KDM6A: variants seen among roughly 807,000 people sequenced by gnomAD.
KDM6A encodes the protein lysine demethylase 6A.
KDM6A carries 11 observed loss-of-function variants against 117.6 expected under a neutral mutation model. The ratio of observed to expected loss-of-function variants is 0.09; its 90% CI spans 0.06 to 0.15. KDM6A has a LOEUF of 0.15. Ranked by LOEUF, KDM6A falls within the 10% of genes least tolerant of loss-of-function variation. The pLI, the probability that KDM6A is intolerant of heterozygous loss-of-function variation, is 1.00. For synonymous variants in KDM6A, 384 were observed against 396.1 expected (o/e 0.97, Z 0.36); for missense variants, 799 against 1,077.3 (o/e 0.74, Z 3.62).
chrX:45,044,305 G>T (rs1255303898), intron 8 of KDM6A, among the ~76,000 whole-genome samples: 2 of 111,412 alleles, frequency 1.8e-5, no homozygotes, highest in Non-Finnish European at 3.8e-5. Flanking sequence ...GTATTAACGG[G>T]GCTTCTTTTC....
chrX:44,924,901 C>T (rs964943294), intron 2 of KDM6A, among the ~76,000 whole-genome samples: 2 of 111,088 alleles, frequency 1.8e-5, no homozygotes, highest in Admixed American at 1.9e-4. Flanking sequence ...GTTGTCCAGG[C>T]TGATCTTGAA....
chrX:44,904,745 G>T (rs958835025), intron 2 of KDM6A, among the ~76,000 whole-genome samples: 5 of 111,664 alleles, frequency 4.5e-5, no homozygotes, highest in Admixed American at 2.9e-4. Context: ...TCAGGCTGCT[G>T]GATTTTACCA....
At position 45,062,883 on chromosome X, in the gene KDM6A, T is replaced by C. The variant is rs1029053484; in HGVS notation, c.1683+135T>C. The stretch of plus-strand genomic sequence containing the variant: ...TTGACAGAATTTAGTAATCTCTGTA[T>C]TTTAAAATACTGGTAATTGACGGAG... On this transcript the variant is annotated intron_variant, in intron 16 of 29. Transcript: ENST00000611820. The C allele has an allele frequency of 1.3e-5, 6 of 469,410 alleles. No individual in the cohort carries two copies. In the African/African-American group the frequency reaches 1.5e-4, roughly 11 times the overall value. 38.7% of individuals were successfully genotyped at this position (469,410 alleles called of 1,213,427 possible).
At chrX:45,042,437 G>A (rs2043311568) in intron 8 of KDM6A, among the ~76,000 whole-genome samples, 1 of 110,849 alleles carries the variant, frequency 9.0e-6, no homozygotes, top group Non-Finnish European at 1.9e-5. Context: ...CTACACCAGT[G>A]ATTATAATAT....
intron 21 of KDM6A, among the ~76,000 whole-genome samples, chrX:45,079,948 G>A (rs967138922): frequency 3.6e-5 from 4 of 112,101 alleles, no homozygotes; most frequent in Non-Finnish European, 5.6e-5. Context: ...TCATTTCTGG[G>A]ATACTTTTTT....
intron 2 of KDM6A, among the ~76,000 whole-genome samples, chrX:44,938,537 TAACATAAA>T: frequency 8.9e-6 from 1 of 112,283 alleles, no homozygotes; most frequent in East Asian, 2.8e-4. Flanking sequence ...TCTATCTCCA[TAACATAAA>T]AGTGCAAGGT....
intron 2 of KDM6A, among the ~76,000 whole-genome samples, chrX:44,923,776 G>T (rs1293848873): frequency 1.8e-5 from 2 of 110,799 alleles, no homozygotes. Context: ...ATGCTGGAGT[G>T]CAGTGATGCA....
chrX:45,040,393 G>A (rs2043040521), intron 8 of KDM6A, among the ~76,000 whole-genome samples: 1 of 92,653 alleles, frequency 1.1e-5, no homozygotes, highest in South Asian at 5.8e-4. Context: ...TGGCCAGGCG[G>A]GGGGCTGATC....
chrX:44,929,243 C>CT (rs72030337), intron 2 of KDM6A, among the ~76,000 whole-genome samples: 13,508 of 82,771 alleles, frequency 0.16, 1,812 homozygotes, highest in African/African-American at 0.4. Context: ...GTCTAAGGGA[C>CT]TTTTTTTTTT....
intron 3 of KDM6A, among the ~76,000 whole-genome samples, chrX:44,972,735 T>A (rs1228391994): frequency 1.8e-5 from 2 of 111,071 alleles, no homozygotes; most frequent in African/African-American, 3.3e-5. Flanking sequence ...AGTGGGTTAT[T>A]CAGAAGTAAA....
chrX:44,948,508 A>G (rs2037798000), intron 2 of KDM6A, among the ~76,000 whole-genome samples: 1 of 111,964 alleles, frequency 8.9e-6, no homozygotes, highest in Admixed American at 9.5e-5. Context: ...CTTGCTTTAC[A>G]GTAGAAGAAA....
intron 5 of KDM6A, among the ~76,000 whole-genome samples, chrX:45,011,797 A>T (rs996469908): frequency 7.3e-5 from 8 of 110,091 alleles, no homozygotes; most frequent in Non-Finnish European, 1.1e-4. Flanking sequence ...TTATTTATTT[A>T]TTTTTTGAGA....
At position 45,112,096 on chromosome X, in the gene KDM6A, T is replaced by G. The variant is rs2046783910; in HGVS notation, c.*685T>G. 2 of 164,690 alleles carry G rather than the reference T, an allele frequency of 1.2e-5. No individual in the cohort carries two copies. Among genetic ancestry groups the G allele is most frequent in the Admixed American group, 1.6e-4 (2 of 12,137 alleles). 13.6% of individuals were successfully genotyped at this position (164,690 alleles called of 1,213,427 possible). The stretch of plus-strand genomic sequence containing the variant: ...CATATTTATTGCTTGAAAATATTTG[T>G]GAATGGAATGCTGTTATTTTTTCCA... On this transcript the variant is annotated 3_prime_UTR_variant, in exon 30 of 30. Transcript: ENST00000611820.
chrX:45,060,589 C>G lies in KDM6A; in HGVS notation c.1330-20C>G, dbSNP rs997617686. On this transcript the variant is annotated intron_variant, in intron 13 of 29. Coordinates refer to ENST00000611820, the MANE Select transcript of KDM6A (RefSeq NM_001291415.2). ...AGAATATATAGAACCCTATTTTTGTCTTCCTTCTGTGATTCTTAGGCATGT... is the reference window on the plus strand; with the variant it reads ...AGAATATATAGAACCCTATTTTTGTGTTCCTTCTGTGATTCTTAGGCATGT... 1.9e-6 allele frequency: 2 copies of G among 1,032,980 alleles called. No homozygotes were observed. Among genetic ancestry groups the G allele is most frequent in the Non-Finnish European group, 1.3e-6 (1 of 791,282 alleles). The allele number at this position is 1,032,980 out of a possible 1,213,427, so 85.1% of individuals were successfully genotyped here. A position where few individuals can be genotyped will look rare whatever the true frequency, so the allele number is the denominator to read the frequency against.
At chrX:44,989,058 G>A (rs12852058) in intron 4 of KDM6A, among the ~76,000 whole-genome samples, 1 of 107,796 alleles carries the variant, frequency 9.3e-6, no homozygotes, top group African/African-American at 3.4e-5. Context: ...GTTCCACTCA[G>A]TTTGAGCTTC....
At chrX:45,041,414 T>A (rs1192821949) in intron 8 of KDM6A, among the ~76,000 whole-genome samples, 1 of 96,737 alleles carries the variant, frequency 1.0e-5, no homozygotes, top group Non-Finnish European at 2.1e-5. Context: ...ACGGGGCAGC[T>A]GGCCGGGCGG....
chrX:44,874,370 T>G (rs1481277702), intron 2 of KDM6A, among the ~76,000 whole-genome samples: 4 of 111,464 alleles, frequency 3.6e-5, no homozygotes, highest in Non-Finnish European at 7.5e-5. Flanking sequence ...CTCTACGGGT[T>G]TAAAAAAATT....
rs752497500 is a variant in KDM6A at position 44,989,211 on chromosome X, G to A, written c.384+14496G>A. Among the ~76,000 whole-genome samples, 6 of 100,571 alleles carry A rather than the reference G, an allele frequency of 6.0e-5. No individual in the cohort carries two copies. The South Asian group carries it at 2.1e-3, about 34-fold the overall frequency. 87.3% of individuals were successfully genotyped at this position (100,571 alleles called of 115,157 possible). On this transcript the variant is annotated intron_variant, in intron 4 of 29. Coordinates refer to ENST00000611820, the MANE Select transcript of KDM6A (RefSeq NM_001291415.2). The stretch of plus-strand genomic sequence containing the variant: ...GCTTAGGACCCTCCGAGCCAGACAC[G>A]GGATATAATCTGGTATGCCGTTTGC...
intron 6 of KDM6A, among the ~76,000 whole-genome samples, chrX:45,032,697 C>T (rs976841870): frequency 9.9e-5 from 11 of 111,426 alleles, no homozygotes; most frequent in African/African-American, 3.3e-4. Context: ...GTGATCTGCC[C>T]GCCTCGGCCT....
Sources: gnomAD v4.1 joint callset for allele counts (sites outside exome capture counted in the v4.1 genomes callset) on GRCh38, gnomAD v4.1.1 for gene constraint, MANE v1.5 for transcripts, NCBI Gene and HGNC (gene_info 2026-07-23, HGNC 2026-07-21) for gene names.